Variants in RHCE observed in about 807,000 individuals in gnomAD.
RHCE encodes the protein blood group Rh(CE) polypeptide.
In RHCE, 22 loss-of-function variants were observed where a neutral mutation model predicts 43.8. The observed-to-expected ratio is 0.50, with a 90% CI of 0.36 to 0.72. The LOEUF is 0.72. Ranked by LOEUF, RHCE falls within the 30% of genes least tolerant of loss-of-function variation. The probability of loss-of-function intolerance (pLI) is 0.00; values close to 1 mark genes in which losing one functional copy is unlikely to be tolerated. For missense variants in RHCE, 385 were observed against 525.4 expected (o/e 0.73, Z 2.61); for synonymous variants, 156 against 210.7 (o/e 0.74, Z 2.25).
At chr1:25,381,380 C>T (rs1183107178) in intron 7 of RHCE, among the ~76,000 whole-genome samples, 1 of 152,158 alleles carries the variant, frequency 6.6e-6, no homozygotes, top group Non-Finnish European at 1.5e-5. Flanking sequence ...TCCAGACTTT[C>T]CCTAGTTCTG....
intron 3 of RHCE, among the ~76,000 whole-genome samples, chr1:25,397,611 C>T (rs577136352): frequency 3.2e-4 from 49 of 152,198 alleles, no homozygotes; most frequent in East Asian, 1.3e-3. Flanking sequence ...TTTCTTGCTG[C>T]GGTCTCAGCC....
intron 1 of RHCE, chr1:25,411,216 T>C (rs1647065053): frequency 7.9e-7 from 1 of 1,260,380 alleles, no homozygotes; most frequent in Admixed American, 2.9e-5. Flanking sequence ...TAGAGCCACC[T>C]GAGAGGTTTC....
intron 9 of RHCE, among the ~76,000 whole-genome samples, chr1:25,369,059 C>T (rs1298458164): frequency 1.3e-5 from 2 of 151,664 alleles, no homozygotes; most frequent in Non-Finnish European, 2.9e-5. Context: ...CCATACCCAG[C>T]CTAAATATGT....
chr1:25,405,173 C>G (rs1180234757), intron 2 of RHCE, among the ~76,000 whole-genome samples: 1 of 151,778 alleles, frequency 6.6e-6, no homozygotes, highest in Non-Finnish European at 1.5e-5. Flanking sequence ...GCCTGAGCAA[C>G]ACAGTGAGGT....
chr1:25,414,996 A>G (rs1397464119), intron 1 of RHCE, among the ~76,000 whole-genome samples: 2 of 152,094 alleles, frequency 1.3e-5, no homozygotes, highest in African/African-American at 4.8e-5. Flanking sequence ...TCCCCTAAGC[A>G]TATCATAGGC....
intron 7 of RHCE, among the ~76,000 whole-genome samples, chr1:25,379,100 T>A (rs1645875755): frequency 6.6e-6 from 1 of 152,102 alleles, no homozygotes; most frequent in East Asian, 1.9e-4. Context: ...TAGCTCATGG[T>A]TCTGGAGGCT....
chr1:25,386,600 C>A (rs979036806), intron 6 of RHCE, among the ~76,000 whole-genome samples: 1 of 152,178 alleles, frequency 6.6e-6, no homozygotes, highest in Non-Finnish European at 1.5e-5. Context: ...GTGGGTGGAT[C>A]ACCTGAAGTC....
In RHCE at chr1:25,405,429, G is replaced by C. The variant is rs567244654; in HGVS notation, c.336-2683C>G. 2.6e-5 allele frequency among the ~76,000 whole-genome samples: 4 copies of C among 152,326 alleles called. No individual in the cohort carries two copies. The East Asian group carries it at 5.8e-4, about 22-fold the overall frequency. On this transcript the variant is annotated intron_variant, in intron 2 of 9. Transcript: ENST00000294413. ...GTACTTTGGGAGGCCTAGGCGGGTG[G>C]ATCACTTGAGGTCAGGAGTTCGAGA... is the stretch of plus-strand genomic sequence containing the variant.
chr1:25,368,858 T>C (rs1645512490), intron 9 of RHCE, among the ~76,000 whole-genome samples: 1 of 151,740 alleles, frequency 6.6e-6, no homozygotes, highest in South Asian at 2.1e-4. Context: ...CTTCCCAGGT[T>C]CAAGTGATTC....
intron 3 of RHCE, among the ~76,000 whole-genome samples, chr1:25,400,945 A>C (rs1003461624): frequency 1.3e-4 from 20 of 151,784 alleles, no homozygotes; most frequent in Admixed American, 2.0e-4. Context: ...ACTTCCCACC[A>C]CCCTCACAGC....
At chr1:25,373,009 T>G (rs1318748761) in intron 8 of RHCE, among the ~76,000 whole-genome samples, 1 of 149,784 alleles carries the variant, frequency 6.7e-6, no homozygotes, top group African/African-American at 2.5e-5. Context: ...CACTATAGGA[T>G]TGCCCTGGCT....
rs34136498 is a variant in RHCE at position 25,402,754 on chromosome 1, T to A, written c.336-8A>T. On this transcript the variant is annotated splice_polypyrimidine_tract_variant and splice_region_variant and intron_variant, in intron 2 of 9. Transcript: ENST00000294413. ...ATGGTGGCCAGCCGAATACTGGGGGTGAGAAGGAGAGCCAGGATGACTGAG... is the reference window on the plus strand; with the variant it reads ...ATGGTGGCCAGCCGAATACTGGGGGAGAGAAGGAGAGCCAGGATGACTGAG... 5.1e-5 allele frequency: 82 copies of A among 1,613,706 alleles called. 1 individual carries two copies. The highest frequency in any genetic ancestry group is 3.4e-4 in the South Asian group (31 of 91,058).
At chr1:25,384,938 A>T (rs1481811514) in intron 7 of RHCE, among the ~76,000 whole-genome samples, 1 of 152,224 alleles carries the variant, frequency 6.6e-6, no homozygotes, top group East Asian at 1.9e-4. Flanking sequence ...AACAGTAGTA[A>T]ATGTTATCAG....
intron 2 of RHCE, among the ~76,000 whole-genome samples, chr1:25,406,535 A>C (rs1200314138): frequency 1.7e-5 from 2 of 117,262 alleles, no homozygotes; most frequent in African/African-American, 5.2e-5. Flanking sequence ...TCGGTCTCGA[A>C]CTCCTGACCT....
intron 5 of RHCE, among the ~76,000 whole-genome samples, chr1:25,390,244 A>G (rs1646314239): frequency 6.6e-6 from 1 of 152,166 alleles, no homozygotes. Context: ...CCCGTTAAGC[A>G]CTTTACATGC....
intron 1 of RHCE, among the ~76,000 whole-genome samples, chr1:25,416,552 C>A (rs183870669): frequency 1.3e-5 from 2 of 152,086 alleles, no homozygotes; most frequent in Non-Finnish European, 2.9e-5. Context: ...CGTGAGCCAC[C>A]GCACCCAGCC....
intron 9 of RHCE, among the ~76,000 whole-genome samples, chr1:25,367,994 A>G (rs1363907278): frequency 6.6e-6 from 1 of 150,472 alleles, no homozygotes; most frequent in Non-Finnish European, 1.5e-5. Context: ...AATTACAGAA[A>G]ACGCAAACCT....
intron 2 of RHCE, among the ~76,000 whole-genome samples, chr1:25,406,442 A>G (rs1387023927): frequency 2.7e-5 from 3 of 109,960 alleles, no homozygotes; most frequent in East Asian, 4.8e-4. Context: ...CCTCCCAAGT[A>G]GCTGGGATTA....
At chr1:25,378,550 A>G (rs1443741017) in intron 7 of RHCE, among the ~76,000 whole-genome samples, 1 of 152,238 alleles carries the variant, frequency 6.6e-6, no homozygotes, top group East Asian at 1.9e-4. Context: ...ACTAATGGCC[A>G]AAGTTGTTTA....
Sources: gnomAD v4.1 joint callset for allele counts (sites outside exome capture counted in the v4.1 genomes callset) on GRCh38, gnomAD v4.1.1 for gene constraint, MANE v1.5 for transcripts, NCBI Gene and HGNC (gene_info 2026-07-23, HGNC 2026-07-21) for gene names.